The following PCED1B variants were observed in gnomAD, a reference collection of about 807,000 sequenced individuals.
PCED1B encodes PC-esterase domain containing 1B.
For missense variants in PCED1B, 573 were observed against 573.9 expected (o/e 1.00, Z 0.02); for synonymous variants, 251 against 246.1 (o/e 1.02, Z -0.19).
At chr12:47,089,901 G>C (rs767688841) in intron 1 of PCED1B, among the ~76,000 whole-genome samples, 1 of 152,032 alleles carries the variant, frequency 6.6e-6, no homozygotes, top group Non-Finnish European at 1.5e-5. Flanking sequence ...AACCTCCCGA[G>C]TAGCTGGGAT....
intron 1 of PCED1B, among the ~76,000 whole-genome samples, chr12:47,090,518 C>G (rs1289351448): frequency 6.6e-6 from 1 of 152,068 alleles, no homozygotes; most frequent in African/African-American, 2.4e-5. Context: ...ACCGGAGTAC[C>G]AGAGTAAAGG....
Position 47,235,613 on chromosome 12 carries a change from CAGA to C in PCED1B, c.553_555del (p.Lys185del). The stretch of plus-strand genomic sequence containing the variant: ...TTTTCTTCCGCCCAAGCTCCGGCGG[CAGA>C]AGGCCACCTTCCTGAAAAACGAAGT... On this transcript the variant is annotated inframe_deletion, in exon 4 of 4. Transcript: ENST00000546455. 6.2e-7 allele frequency: 1 copy of C among 1,609,700 alleles called. No individual in the cohort carries two copies.
chr12:47,229,058 C>G (rs529320071), intron 3 of PCED1B, among the ~76,000 whole-genome samples: 40 of 151,860 alleles, frequency 2.6e-4, no homozygotes, highest in African/African-American at 8.9e-4. Flanking sequence ...TGATGATTAA[C>G]CTGGTATTTT....
intron 2 of PCED1B, among the ~76,000 whole-genome samples, chr12:47,119,839 C>T (rs1172625195): frequency 6.6e-6 from 1 of 151,882 alleles, no homozygotes; most frequent in African/African-American, 2.4e-5. Context: ...GTGGCAGGTG[C>T]CTGTAATCCC....
chr12:47,099,189 G>C (rs854899), intron 1 of PCED1B, among the ~76,000 whole-genome samples: 4,372 of 152,260 alleles, frequency 0.029, 198 homozygotes, highest in African/African-American at 0.097. Context: ...TAACATTTTA[G>C]AAGAGCACAG....
At chr12:47,131,876 C>T (rs967913761) in intron 2 of PCED1B, among the ~76,000 whole-genome samples, 2 of 151,976 alleles carry the variant, frequency 1.3e-5, no homozygotes, top group African/African-American at 4.8e-5. Context: ...ACCATGTTGG[C>T]CAGGGTGGTC....
chr12:47,175,593 G>C (rs1941897666), intron 2 of PCED1B, among the ~76,000 whole-genome samples: 1 of 151,038 alleles, frequency 6.6e-6, no homozygotes, highest in Admixed American at 6.6e-5. Flanking sequence ...TTTATTTTGA[G>C]ATGGAGTTTC....
chr12:47,093,405 A>G (rs1038637677), intron 1 of PCED1B, among the ~76,000 whole-genome samples: 37 of 150,462 alleles, frequency 2.5e-4, no homozygotes, highest in African/African-American at 8.8e-4. Flanking sequence ...TTAGATTTTG[A>G]TGTTTTTAAA....
intron 2 of PCED1B, among the ~76,000 whole-genome samples, chr12:47,191,549 TCATGTTTC>T (rs1187801816): frequency 6.6e-6 from 1 of 152,126 alleles, no homozygotes; most frequent in Non-Finnish European, 1.5e-5. Context: ...TTGGGGGAAG[TCATGTTTC>T]CATTGCAATC....
In PCED1B at chr12:47,235,460, C is replaced by G; in HGVS notation, c.397C>G (p.Pro133Ala). The G allele has an allele frequency of 6.2e-7, 1 of 1,614,066 alleles. No individual in the cohort carries two copies. The highest frequency in any genetic ancestry group is 8.5e-7 in the Non-Finnish European group (1 of 1,179,970). ...CCTCTGGGACATCTCCAGGTATGGT[C>G]CGAACTCCTGGAGAAGCTACCTGGA... ...SCLWDISRYG[P>A]NSWRSYLENL... The change falls in exon 4 of 4, where the codon CCG becomes GCG. Residue 133 changes from proline (P) to alanine (A), a missense_variant. Transcript: ENST00000546455.
intron 1 of PCED1B, among the ~76,000 whole-genome samples, chr12:47,096,884 A>G (rs7959998): frequency 0.34 from 51,819 of 152,084 alleles, 9,712 homozygotes; most frequent in East Asian, 0.63. Flanking sequence ...ATTTGATTAA[A>G]TAATTACCAA....
intron 1 of PCED1B, among the ~76,000 whole-genome samples, chr12:47,080,978 C>G (rs893325996): frequency 6.6e-5 from 10 of 152,148 alleles, no homozygotes; most frequent in African/African-American, 2.2e-4. Flanking sequence ...GGCCGACCAG[C>G]GCGCTTTGGT....
chr12:47,217,470 G>GAGGAAAGAAAGAAAGAAAGAAAGAAAGAA, intron 3 of PCED1B, among the ~76,000 whole-genome samples: 1 of 90,920 alleles, frequency 1.1e-5, no homozygotes, highest in African/African-American at 5.0e-5. Flanking sequence ...AAGAAAGAAA[G>GAGGAAAGAAAGAAAGAAAGAAAGAAAGAA]AGAAAGAAAG....
intron 2 of PCED1B, among the ~76,000 whole-genome samples, chr12:47,166,579 G>A (rs1405566231): frequency 2.0e-5 from 3 of 152,190 alleles, no homozygotes; most frequent in East Asian, 3.9e-4. Context: ...TTGACAGTAA[G>A]TGATTTACAA....
intron 2 of PCED1B, among the ~76,000 whole-genome samples, chr12:47,188,736 C>G (rs991868424): frequency 6.6e-6 from 1 of 152,196 alleles, no homozygotes; most frequent in African/African-American, 2.4e-5. Context: ...CACTGCAGTG[C>G]TGGAGCAGAG....
rs551817140 is a variant in PCED1B at position 47,215,476 on chromosome 12, A to T, written c.-525-746A>T. 2.6e-5 allele frequency among the ~76,000 whole-genome samples: 4 copies of T among 151,624 alleles called. No individual in the cohort carries two copies. The South Asian group carries it at 8.3e-4, about 32-fold the overall frequency. On this transcript the variant is annotated intron_variant, in intron 2 of 3. Coordinates refer to ENST00000546455, the MANE Select transcript of PCED1B (RefSeq NM_138371.3). ...ACCATGTTGGCCAGGCTGGTCTCGA[A>T]CTCCTGACCTCAGGTGATCCACCCG...
At chr12:47,138,672 A>G (rs1940478493) in intron 2 of PCED1B, among the ~76,000 whole-genome samples, 3 of 152,294 alleles carry the variant, frequency 2.0e-5, no homozygotes, top group Admixed American at 2.0e-4. Flanking sequence ...TACGTATTTC[A>G]CCATTATCTT....
At chr12:47,096,705 G>A (rs989304603) in intron 1 of PCED1B, among the ~76,000 whole-genome samples, 3 of 152,070 alleles carry the variant, frequency 2.0e-5, no homozygotes, top group African/African-American at 7.2e-5. Flanking sequence ...TTCGTTAAAA[G>A]GATATTACAG....
intron 2 of PCED1B, among the ~76,000 whole-genome samples, chr12:47,155,145 C>G (rs1000719913): frequency 6.6e-6 from 1 of 152,274 alleles, no homozygotes; most frequent in East Asian, 1.9e-4. Context: ...TGAATCTTAT[C>G]TTTTCTGTCA....
Sources: allele counts gnomAD v4.1 joint callset (sites outside exome capture counted in the v4.1 genomes callset), GRCh38; gene constraint gnomAD v4.1.1; transcripts MANE v1.5; gene names NCBI Gene and HGNC (gene_info 2026-07-23, HGNC 2026-07-21).